CLNK: variants seen among roughly 807,000 people sequenced by gnomAD.
CLNK encodes cytokine-dependent hematopoietic cell linker.
A neutral mutation model predicts 68.6 loss-of-function variants in CLNK; 74 were observed. The ratio of observed to expected loss-of-function variants is 1.08; its 90% confidence interval spans 0.89 to 1.31. The LOEUF (loss-of-function observed/expected upper bound fraction) is 1.31. Among genes scored for constraint, CLNK ranks in the 50% most tolerant of loss-of-function variants. The pLI is 0.00. For synonymous variants in CLNK, 198 were observed against 172.2 expected (o/e 1.15, Z -1.17); for missense variants, 553 against 515.3 (o/e 1.07, Z -0.71).
chr4:10,576,868 T>G (rs1157417696), intron 4 of CLNK, among the ~76,000 whole-genome samples: 2 of 152,166 alleles, frequency 1.3e-5, no homozygotes, highest in Admixed American at 6.5e-5. Context: ...AAATAGAGAC[T>G]CTCAGATTAT....
intron 2 of CLNK, among the ~76,000 whole-genome samples, chr4:10,659,658 A>T (rs1234440502): frequency 1.3e-5 from 2 of 152,208 alleles, no homozygotes; most frequent in Non-Finnish European, 2.9e-5. Flanking sequence ...ATGGAAGTCA[A>T]GAATGAAGAA....
chr4:10,507,706 T>G (rs573912781), intron 17 of CLNK, among the ~76,000 whole-genome samples: 1 of 152,192 alleles, frequency 6.6e-6, no homozygotes, highest in East Asian at 1.9e-4. Flanking sequence ...GGTCTCAAAC[T>G]CCTCACCTCA....
chr4:10,727,176 G>T, the CLNK span, among the ~76,000 whole-genome samples: 2 of 152,162 alleles, frequency 1.3e-5, no homozygotes, highest in Non-Finnish European at 1.5e-5. Context: ...AATTATGTGG[G>T]GAACTCATAT....
At chr4:10,539,404 A>G (rs1488175219) in intron 11 of CLNK, among the ~76,000 whole-genome samples, 1 of 152,238 alleles carries the variant, frequency 6.6e-6, no homozygotes, top group Non-Finnish European at 1.5e-5. Context: ...GCTCAAAATG[A>G]GCCTATCCTG....
chr4:10,699,508 A>ATT, the CLNK span, among the ~76,000 whole-genome samples: 91 of 19,754 alleles, frequency 4.6e-3, 2 homozygotes, highest in Non-Finnish European at 9.0e-3. Flanking sequence ...ATATATATAT[A>ATT]TATATTTTTT....
intron 2 of CLNK, among the ~76,000 whole-genome samples, chr4:10,631,267 G>T (rs1722880318): frequency 6.6e-6 from 1 of 152,194 alleles, no homozygotes; most frequent in East Asian, 1.9e-4. Context: ...TAAGGTATGT[G>T]TCCTCTCTCA....
intron 12 of CLNK, among the ~76,000 whole-genome samples, chr4:10,530,270 A>G (rs75074378): frequency 0.034 from 5,225 of 152,298 alleles, 309 homozygotes; most frequent in African/African-American, 0.11. Flanking sequence ...TTGTGAGTAC[A>G]AAATGAGACA....
chr4:10,486,712 C>T lies in CLNK; in HGVS notation c.*3755G>A, dbSNP rs6831663. On this transcript the variant is annotated 3_prime_UTR_variant, in exon 19 of 19. Coordinates refer to ENST00000226951, the MANE Select transcript of CLNK (RefSeq NM_052964.4). ...CACAGGCACACACATGCACACCCCACATAAATAAGTTTGGGAAAATTTTAA... is the reference window on the plus strand; with the variant it reads ...CACAGGCACACACATGCACACCCCATATAAATAAGTTTGGGAAAATTTTAA... 31,156 of 152,042 alleles carry T rather than the reference C, an allele frequency of 0.2. 7,440 individuals carry two copies. The highest frequency in any genetic ancestry group is 0.57 in the African/African-American group (23,581 of 41,404). 9.4% of individuals were successfully genotyped at this position (152,042 alleles called of 1,614,324 possible). A position where few individuals can be genotyped will look rare whatever the true frequency, so the allele number is the denominator to read the frequency against.
intron 12 of CLNK, among the ~76,000 whole-genome samples, chr4:10,530,063 T>C (rs1718476451): frequency 6.6e-6 from 1 of 152,018 alleles, no homozygotes; most frequent in Admixed American, 6.6e-5. Context: ...GCCCCCTCCT[T>C]TCATTCCTTC....
At chr4:10,598,193 A>G (rs1560235060) in intron 2 of CLNK, 144 bp from the exon 3 acceptor site, 2 of 625,714 alleles carry the variant, frequency 3.2e-6, no homozygotes, top group East Asian at 5.6e-5. Flanking sequence ...CTCTCTTTGC[A>G]TTACCACTAG....
intron 2 of CLNK, among the ~76,000 whole-genome samples, chr4:10,649,711 A>T (rs1373802266): frequency 6.6e-6 from 1 of 152,098 alleles, no homozygotes; most frequent in Non-Finnish European, 1.5e-5. Context: ...TCCAGCCTAG[A>T]TTGTCTAGAA....
At chr4:10,641,494 C>T (rs547507397) in intron 2 of CLNK, among the ~76,000 whole-genome samples, 95 of 152,268 alleles carry the variant, frequency 6.2e-4, no homozygotes, top group African/African-American at 1.9e-3. Flanking sequence ...AGAATCCAGA[C>T]GTTATGCCAA....
chr4:10,520,185 A>C (rs1718001199), intron 15 of CLNK, among the ~76,000 whole-genome samples: 2 of 152,180 alleles, frequency 1.3e-5, no homozygotes, highest in Non-Finnish European at 2.9e-5. Context: ...ATCAACACCC[A>C]CCACTAACAG....
chr4:10,558,297 T>C (rs769370908), intron 8 of CLNK, 110 bp downstream of exon 8: 1 of 841,764 alleles, frequency 1.2e-6, no homozygotes, highest in Non-Finnish European at 2.0e-6. Context: ...ATTCAATAGA[T>C]CACCTTGTGT....
chr4:10,683,903 C>T (rs1371989186), intron 1 of CLNK, among the ~76,000 whole-genome samples: 1 of 152,122 alleles, frequency 6.6e-6, no homozygotes, highest in Non-Finnish European at 1.5e-5. Context: ...ACAAGTAATA[C>T]TCATAACAGA....
chr4:10,641,883 T>C (rs973307747), intron 2 of CLNK, among the ~76,000 whole-genome samples: 1 of 152,196 alleles, frequency 6.6e-6, no homozygotes, highest in Admixed American at 6.5e-5. Flanking sequence ...TGAGATCTGA[T>C]GGTTTTACAA....
chr4:10,605,583 A>G (rs1721757052), intron 2 of CLNK, among the ~76,000 whole-genome samples: 1 of 152,152 alleles, frequency 6.6e-6, no homozygotes, highest in South Asian at 2.1e-4. Context: ...TCCCAGCAGC[A>G]CTTTGGGAGG....
At chr4:10,708,152 G>A in the CLNK span, among the ~76,000 whole-genome samples, 6 of 152,180 alleles carry the variant, frequency 3.9e-5, no homozygotes, top group African/African-American at 9.7e-5. Context: ...TGAAGTCAGA[G>A]AGACTGGGCT....
intron 1 of CLNK, among the ~76,000 whole-genome samples, chr4:10,676,237 T>G (rs1381678068): frequency 6.6e-6 from 1 of 152,200 alleles, no homozygotes. Context: ...ATTTTAGAGA[T>G]GCTCATACTT....
Sources: allele counts gnomAD v4.1 joint callset (sites outside exome capture counted in the v4.1 genomes callset), GRCh38; gene constraint gnomAD v4.1.1; transcripts MANE v1.5; gene names NCBI Gene and HGNC (gene_info 2026-07-23, HGNC 2026-07-21).